ERI3: variants seen among roughly 807,000 people sequenced by gnomAD.
ERI3 encodes the protein ERI1 exoribonuclease family member 3.
In ERI3, 18 loss-of-function variants were observed where a neutral mutation model predicts 44.4. The ratio of observed to expected loss-of-function variants is 0.41; its 90% CI spans 0.28 to 0.60. The LOEUF (loss-of-function observed/expected upper bound fraction) is 0.60, where lower values mean the gene tolerates loss of function less well. ERI3 is among the 20% of genes least tolerant of loss of function. The pLI, the probability that ERI3 is intolerant of heterozygous loss-of-function variation, is 0.36. For missense variants in ERI3, 294 were observed against 435.5 expected (o/e 0.68, Z 2.89); for synonymous variants, 183 against 164.8 (o/e 1.11, Z -0.84).
intron 3 of ERI3, among the ~76,000 whole-genome samples, chr1:44,338,405 T>C (rs764794505): frequency 1.6e-4 from 24 of 152,162 alleles, no homozygotes; most frequent in Non-Finnish European, 2.4e-4. Context: ...AGATAGCTCA[T>C]TCTCATGACT....
Position 44,339,405 on chromosome 1 carries a change from C to T in ERI3, c.212-83G>A, listed in dbSNP as rs1646606304. The T allele has an allele frequency of 1.6e-5, 22 of 1,394,194 alleles. 3 individuals carry two copies. In the South Asian group the frequency reaches 2.8e-4, roughly 18 times the overall value. The allele number at this position is 1,394,194 out of a possible 1,614,324, so 86.4% of individuals were successfully genotyped here. ...AAGAACAGAGAGCCTGGGTTACTCC[C>T]TCCCACTGTGGCCCTGTTCCATCTA... On this transcript the variant is annotated intron_variant, in intron 2 of 8. Coordinates refer to ENST00000372257, the MANE Select transcript of ERI3 (RefSeq NM_024066.3).
At chr1:44,251,328 C>T (rs189779349) in intron 7 of ERI3, among the ~76,000 whole-genome samples, 206 of 152,370 alleles carry the variant, frequency 1.4e-3, no homozygotes, top group African/African-American at 4.6e-3. Context: ...GACTTGCCCT[C>T]AGGTGACTGC....
At chr1:44,284,997 G>A (rs936743163) in intron 6 of ERI3, 90 bp from the exon 7 acceptor site, 3 of 1,099,558 alleles carry the variant, frequency 2.7e-6, no homozygotes, top group Non-Finnish European at 4.1e-6. Flanking sequence ...GAGCATACAA[G>A]ACAAACAGAC....
intron 6 of ERI3, among the ~76,000 whole-genome samples, chr1:44,304,043 C>T (rs1645781527): frequency 6.6e-6 from 1 of 152,108 alleles, no homozygotes. Flanking sequence ...TCCGACAGAA[C>T]AACTCAGTAG....
intron 6 of ERI3, among the ~76,000 whole-genome samples, chr1:44,290,389 C>T (rs1645480861): frequency 6.6e-6 from 1 of 152,196 alleles, no homozygotes; most frequent in African/African-American, 2.4e-5. Context: ...GCCACAGGGA[C>T]ACCTGTGAGG....
intron 3 of ERI3, among the ~76,000 whole-genome samples, chr1:44,326,691 C>T (rs1199679772): frequency 1.3e-5 from 2 of 152,166 alleles, no homozygotes; most frequent in East Asian, 1.9e-4. Flanking sequence ...TACACTTTGA[C>T]AGATGAGAGC....
chr1:44,338,287 G>A (rs567976062), intron 3 of ERI3, among the ~76,000 whole-genome samples: 2 of 152,320 alleles, frequency 1.3e-5, no homozygotes, highest in African/African-American at 4.8e-5. Flanking sequence ...ATTTGAGAGT[G>A]GCTTAGCTGG....
chr1:44,226,956 T>G (rs1025030686), intron 8 of ERI3, among the ~76,000 whole-genome samples: 12 of 152,156 alleles, frequency 7.9e-5, no homozygotes, highest in African/African-American at 2.2e-4. Context: ...CCTACCACCA[T>G]TGATTGAACT....
intron 3 of ERI3, 130 bp downstream of exon 3, chr1:44,338,915 C>A (rs1164283897): frequency 8.7e-7 from 1 of 1,151,344 alleles, no homozygotes; most frequent in African/African-American, 1.5e-5. Flanking sequence ...GCTTCCTAGA[C>A]AGGAACTCTA....
At position 44,304,732 on chromosome 1, in the gene ERI3, T is replaced by C. The variant is rs539872196; in HGVS notation, c.758+3578A>G. ...TCAGTAGCCCCTGCTGAGTGCATGCTCCCCATCTCCAACAGTGATAGTGTA... is the reference window on the plus strand; with the variant it reads ...TCAGTAGCCCCTGCTGAGTGCATGCCCCCCATCTCCAACAGTGATAGTGTA... On this transcript the variant is annotated intron_variant, in intron 6 of 8. Transcript: ENST00000372257. Among the ~76,000 whole-genome samples the C allele has an allele frequency of 3.3e-5, 5 of 152,250 alleles. No homozygotes were observed. The East Asian group carries it at 9.7e-4, about 29-fold the overall frequency.
At chr1:44,297,035 T>C (rs1645625445) in intron 6 of ERI3, among the ~76,000 whole-genome samples, 1 of 152,112 alleles carries the variant, frequency 6.6e-6, no homozygotes, top group South Asian at 2.1e-4. Flanking sequence ...GGTGTCACAT[T>C]GCTGTCACTC....
intron 8 of ERI3, among the ~76,000 whole-genome samples, chr1:44,233,809 C>T (rs1317126228): frequency 1.3e-5 from 2 of 152,332 alleles, no homozygotes. Flanking sequence ...AGTACCCAAT[C>T]TCTCCTCCCT....
At chr1:44,340,944 C>G (rs1421175444) in intron 2 of ERI3, among the ~76,000 whole-genome samples, 1 of 152,162 alleles carries the variant, frequency 6.6e-6, no homozygotes, top group Non-Finnish European at 1.5e-5. Flanking sequence ...GTACTGGAAG[C>G]CTTAATGAGA....
chr1:44,338,761 G>A (rs138353726), intron 3 of ERI3, among the ~76,000 whole-genome samples: 2 of 152,192 alleles, frequency 1.3e-5, no homozygotes, highest in African/African-American at 4.8e-5. Context: ...GGAGAATGGA[G>A]GAAAGAAGAG....
intron 3 of ERI3, among the ~76,000 whole-genome samples, chr1:44,322,156 G>T (rs1261209962): frequency 6.6e-6 from 1 of 152,084 alleles, no homozygotes; most frequent in Non-Finnish European, 1.5e-5. Flanking sequence ...AATAGTATGT[G>T]CTTCAGCTTC....
chr1:44,310,963 GCACACACA>G (rs58344074), intron 5 of ERI3, among the ~76,000 whole-genome samples: 10,156 of 122,876 alleles, frequency 0.083, 757 homozygotes, highest in Middle Eastern at 0.097. Flanking sequence ...GCGCGCGCGC[GCACACACA>G]CACACACACA....
intron 8 of ERI3, chr1:44,243,978 CT>C (rs754533837): frequency 5.2e-4 from 79 of 152,306 alleles, no homozygotes; most frequent in Non-Finnish European, 1.0e-3. Flanking sequence ...GTTCACTTCA[CT>C]GAGACTCAGT....
rs1308214038 is a variant in ERI3, at chr1:44,330,217, T to G, written c.489+8828A>C. Among the ~76,000 whole-genome samples, 8 of 152,140 alleles carry G rather than the reference T, an allele frequency of 5.3e-5. No individual in the cohort carries two copies. The South Asian group carries it at 1.7e-3, about 32-fold the overall frequency. On this transcript the variant is annotated intron_variant, in intron 3 of 8. Transcript: ENST00000372257. The stretch of plus-strand genomic sequence containing the variant: ...TACCCCCATTGTAGAGTATGAACAC[T>G]CCTTTACTTTCAGCAACGTCGGCAT...
At chr1:44,254,036 C>T (rs1436723592) in intron 7 of ERI3, among the ~76,000 whole-genome samples, 1 of 152,196 alleles carries the variant, frequency 6.6e-6, no homozygotes, top group East Asian at 1.9e-4. Context: ...AAGCCAATAC[C>T]TAACTCACTC....
Sources: gnomAD v4.1 joint callset for allele counts (sites outside exome capture counted in the v4.1 genomes callset) on GRCh38, gnomAD v4.1.1 for gene constraint, MANE v1.5 for transcripts, NCBI Gene and HGNC (gene_info 2026-07-23, HGNC 2026-07-21) for gene names.